GYG2: variants seen among roughly 807,000 people sequenced by gnomAD.
GYG2 encodes glycogenin 2, also known as glycogenin-2.
GYG2 carries 29 observed loss-of-function variants against 29.4 expected under a neutral mutation model. That is an observed-to-expected ratio of 0.99 (90% CI 0.74 to 1.35). The LOEUF (loss-of-function observed/expected upper bound fraction) is 1.35, where lower values mean the gene tolerates loss of function less well. GYG2 is among the 40% of genes most tolerant of loss of function. The pLI, the probability that GYG2 is intolerant of heterozygous loss-of-function variation, is 0.00. For missense variants in GYG2, 370 were observed against 385.7 expected, an observed-to-expected ratio of 0.96 and a Z score of 0.34; for synonymous variants, 167 against 172.3, an observed-to-expected ratio of 0.97 and a Z score of 0.24.
At chrX:2,840,293 G>A (rs1167774177) in intron 2 of GYG2, among the ~76,000 whole-genome samples, 1 of 111,392 alleles carries the variant, frequency 9.0e-6, no homozygotes, top group Non-Finnish European at 1.9e-5. Flanking sequence ...TGATTTTCGA[G>A]GTCTGTGGGT....
chrX:2,860,656 T>C (rs1188475364), intron 7 of GYG2, among the ~76,000 whole-genome samples: 1 of 108,308 alleles, frequency 9.2e-6, no homozygotes. Flanking sequence ...TTTTTTTTTT[T>C]TTTTTTTAAC....
intron 8 of GYG2, among the ~76,000 whole-genome samples, chrX:2,867,557 G>C (rs910140232): frequency 9.0e-6 from 1 of 111,352 alleles, no homozygotes; most frequent in Non-Finnish European, 1.9e-5. Flanking sequence ...ACAGCCGGAG[G>C]GGGGACGCCT....
intron 3 of GYG2, among the ~76,000 whole-genome samples, chrX:2,850,687 T>TCTCCTGGCTC (rs1184230974): frequency 1.8e-5 from 2 of 111,218 alleles, no homozygotes; most frequent in South Asian, 3.8e-4. Flanking sequence ...TGAAATTCCT[T>TCTCCTGGCTC]CTCCTGGCTC....
At position 2,856,752 on chromosome X, in the gene GYG2, G is replaced by C. The variant is rs4993468; in HGVS notation, c.614+128G>C. 40,937 of 162,096 alleles carry C rather than the reference G, an allele frequency of 0.25. 2,288 individuals carry two copies. The highest frequency in any genetic ancestry group is 0.33 in the Non-Finnish European group (28,803 of 86,923). 13.4% of individuals were successfully genotyped at this position (162,096 alleles called of 1,213,427 possible). A position where few individuals can be genotyped will look rare whatever the true frequency, so the allele number is the denominator to read the frequency against. ...ATCTATCTATCATCTATCTATCTAT[G>C]TATCTATCTATCTATCTATCTATCT... On this transcript the variant is annotated intron_variant, in intron 6 of 10. Transcript: ENST00000398806.
intron 8 of GYG2, among the ~76,000 whole-genome samples, chrX:2,867,362 A>C (rs2088322327): frequency 1.8e-5 from 2 of 111,230 alleles, no homozygotes. Context: ...TAAACTGTAC[A>C]TCACAGAGGG....
intron 10 of GYG2, chrX:2,878,065 G>C: frequency 1.3e-6 from 1 of 746,335 alleles, no homozygotes; most frequent in Non-Finnish European, 1.6e-6. Flanking sequence ...AATTTCTAGA[G>C]CTGTTGGTTG....
intron 3 of GYG2, among the ~76,000 whole-genome samples, chrX:2,852,350 G>A (rs1216803674): frequency 9.0e-6 from 1 of 111,666 alleles, no homozygotes; most frequent in East Asian, 2.8e-4. Context: ...TTTCAGCTTT[G>A]GCAATTGGGT....
chrX:2,847,747 T>TAAA, intron 3 of GYG2, among the ~76,000 whole-genome samples: 1 of 104,455 alleles, frequency 9.6e-6, no homozygotes, highest in South Asian at 4.0e-4. Flanking sequence ...AATAAATAAA[T>TAAA]AAAAATCCAC....
Position 2,843,246 on chromosome X carries a change from A to G in GYG2, c.41A>G (p.Asn14Ser). Reference protein sequence around the residue: ...TDQAFVTLATNDIYCQGALVL... With the variant: ...TDQAFVTLATSDIYCQGALVL... ...CAGGCTTTTGTCACACTAGCCACCAATGACATCTACTGCCAGGGCGCCCTG... is the reference window on the plus strand; with the variant it reads ...CAGGCTTTTGTCACACTAGCCACCAGTGACATCTACTGCCAGGGCGCCCTG... The change falls in exon 3 of 11, where the codon AAT becomes AGT. Residue 14 changes from asparagine to serine, a missense_variant. Physicochemically the swap from Asn to Ser is conservative, Grantham distance 46 (BLOSUM62 1). Transcript: ENST00000398806. 1 of 1,203,049 alleles carries G rather than the reference A, an allele frequency of 8.3e-7. No individual in the cohort carries two copies. Among genetic ancestry groups the G allele is most frequent in the South Asian group, 1.8e-5 (1 of 56,681 alleles).
intron 8 of GYG2, among the ~76,000 whole-genome samples, chrX:2,872,443 T>C (rs1411598554): frequency 8.9e-6 from 1 of 112,375 alleles, no homozygotes; most frequent in Non-Finnish European, 1.9e-5. Context: ...GCTGTTAATA[T>C]TACTTGTTAA....
At chrX:2,848,448 G>T (rs2087793496) in intron 3 of GYG2, among the ~76,000 whole-genome samples, 3 of 109,946 alleles carry the variant, frequency 2.7e-5, no homozygotes, top group African/African-American at 1.0e-4. Context: ...TGAGGCAGGA[G>T]AATCGCTTGA....
chrX:2,861,128 T>C (rs1012990733), intron 7 of GYG2, among the ~76,000 whole-genome samples: 6 of 111,267 alleles, frequency 5.4e-5, no homozygotes, highest in African/African-American at 2.0e-4. Context: ...TTTTAATTTT[T>C]AGTATGGTTT....
intron 2 of GYG2, among the ~76,000 whole-genome samples, chrX:2,833,271 G>C (rs1184976323): frequency 9.1e-6 from 1 of 109,981 alleles, no homozygotes; most frequent in African/African-American, 3.3e-5. Flanking sequence ...CTCTTGTAGT[G>C]AGGCCAGCAG....
At chrX:2,848,190 G>A (rs1161215713) in intron 3 of GYG2, among the ~76,000 whole-genome samples, 2 of 111,545 alleles carry the variant, frequency 1.8e-5, no homozygotes, top group Non-Finnish European at 3.8e-5. Context: ...GCACGGGCTC[G>A]TCTCTAGCAC....
intron 3 of GYG2, among the ~76,000 whole-genome samples, chrX:2,849,976 G>C (rs1190324818): frequency 9.0e-6 from 1 of 111,035 alleles, no homozygotes; most frequent in East Asian, 2.8e-4. Context: ...AAATTGCTGA[G>C]TGCAGTGGCA....
At chrX:2,850,158 T>C (rs1450863366) in intron 3 of GYG2, among the ~76,000 whole-genome samples, 1 of 110,175 alleles carries the variant, frequency 9.1e-6, no homozygotes, top group African/African-American at 3.3e-5. Flanking sequence ...TAATAATAAA[T>C]AGAAGAGAGC....
intron 6 of GYG2, among the ~76,000 whole-genome samples, chrX:2,858,435 C>T (rs1434808700): frequency 9.0e-6 from 1 of 111,008 alleles, no homozygotes; most frequent in African/African-American, 3.3e-5. Flanking sequence ...CACTGCACTC[C>T]AGCCTGGGTA....
In GYG2 at chrX:2,881,078, G is replaced by T. The variant is rs1158609957; in HGVS notation, c.1278G>T (p.Gln426His). 2.5e-6 allele frequency: 3 copies of T among 1,207,946 alleles called. No individual in the cohort carries two copies. Among genetic ancestry groups the T allele is most frequent in the African/African-American group, 1.8e-5 (1 of 57,050 alleles). Residue 426 changes from glutamine (Q) to histidine (H), a missense_variant, in exon 11 of 11, where the codon CAG (glutamine) becomes CAT (histidine). Gln to His is a conservative substitution (Grantham distance 24). Transcript: ENST00000398806. ...TCGACCTGGCCGTCTCTGTTTCCCA[G>T]ATCTCCATCGAAGAGAAGGTGAAGG... Reference protein sequence around the residue: ...LEVDLAVSVSQISIEEKVKEL... With the variant: ...LEVDLAVSVSHISIEEKVKEL...
intron 8 of GYG2, 89 bp from the exon 9 acceptor site, chrX:2,875,721 G>GA (rs2088577738): frequency 5.0e-6 from 3 of 602,816 alleles, no homozygotes; most frequent in Non-Finnish European, 5.4e-6. Context: ...CATAGAGGCA[G>GA]AAAAAAATGG....
Sources: allele counts gnomAD v4.1 joint callset (sites outside exome capture counted in the v4.1 genomes callset), GRCh38; gene constraint gnomAD v4.1.1; transcripts MANE v1.5; gene names NCBI Gene and HGNC (gene_info 2026-07-23, HGNC 2026-07-21).